TDG: variants seen among roughly 807,000 people sequenced by gnomAD.
TDG encodes thymine DNA glycosylase.
A neutral mutation model predicts 46.1 loss-of-function variants in TDG; 23 were observed. The observed-to-expected ratio is 0.50, with a 90% CI of 0.36 to 0.71. The LOEUF is 0.71. Among genes scored for constraint, TDG ranks in the 30% least tolerant of loss-of-function variants. The pLI is 0.00. For synonymous variants in TDG, 115 were observed against 161.3 expected (o/e 0.71, Z 2.18); for missense variants, 304 against 486.7 (o/e 0.62, Z 3.53).
intron 7 of TDG, 34 bp downstream of exon 7, chr12:103,983,423 A>T (rs752499945): frequency 2.7e-6 from 4 of 1,469,908 alleles, no homozygotes; most frequent in Non-Finnish European, 3.7e-6. Context: ...TAAATCAGCT[A>T]AATGTGAATT....
In TDG at chr12:103,966,017, C is replaced by A; in HGVS notation, c.-21C>A. On this transcript the variant is annotated 5_prime_UTR_variant, in exon 1 of 10. Coordinates refer to ENST00000392872, the MANE Select transcript of TDG (RefSeq NM_003211.6). ...CCGTGTGCCCGGCAGGTGGAGCCGCCCGCATCAGCGGCCTCGGGGAATGGA... is the reference window on the plus strand; with the variant it reads ...CCGTGTGCCCGGCAGGTGGAGCCGCACGCATCAGCGGCCTCGGGGAATGGA... 1 of 1,594,930 alleles carries A rather than the reference C, an allele frequency of 6.3e-7. No homozygotes were observed. The highest frequency in any genetic ancestry group is 1.1e-5 in the South Asian group (1 of 88,702).
rs1593519586 is a variant in TDG at position 103,985,660 on chromosome 12, C to T, written c.1022C>T (p.Ala341Val). The change falls in exon 9 of 10, where the codon GCA becomes GTA. Residue 341 changes from alanine (A) to valine (V), a missense_variant. Coordinates refer to ENST00000392872, the MANE Select transcript of TDG (RefSeq NM_003211.6). ...EEKYDPGYEA[A>V]YGGAYGENPC... ...AAATATGATCCAGGTTATGAGGCAGCATATGGTGGTGCTTACGGAGAAAAT... is the reference window on the plus strand; with the variant it reads ...AAATATGATCCAGGTTATGAGGCAGTATATGGTGGTGCTTACGGAGAAAAT... The T allele has an allele frequency of 6.2e-7, 1 of 1,614,122 alleles. No individual in the cohort carries two copies. Among genetic ancestry groups the T allele is most frequent in the Non-Finnish European group, 8.5e-7 (1 of 1,179,964 alleles).
At chr12:103,985,488 G>A in intron 8 of TDG, 115 bp from the exon 9 acceptor site, 2 of 1,164,110 alleles carry the variant, frequency 1.7e-6, no homozygotes, top group Non-Finnish European at 2.3e-6. Context: ...TAATAGAGAT[G>A]TATCTCAGTG....
At chr12:103,972,414 G>T (rs1454596585) in intron 1 of TDG, among the ~76,000 whole-genome samples, 1 of 152,214 alleles carries the variant, frequency 6.6e-6, no homozygotes, top group African/African-American at 2.4e-5. Context: ...ACTGTTTCCG[G>T]CCAGTTATCC....
intron 1 of TDG, among the ~76,000 whole-genome samples, chr12:103,966,683 A>C (rs926590280): frequency 6.6e-6 from 1 of 152,170 alleles, no homozygotes; most frequent in Non-Finnish European, 1.5e-5. Flanking sequence ...AAATTTGCAA[A>C]AGCAGGAGAT....
intron 7 of TDG, 42 bp downstream of exon 7, chr12:103,983,431 A>AT: frequency 7.1e-7 from 1 of 1,406,356 alleles, no homozygotes; most frequent in Non-Finnish European, 9.7e-7. Context: ...CTAAATGTGA[A>AT]TTTTTTTCTA....
intron 1 of TDG, among the ~76,000 whole-genome samples, chr12:103,966,879 A>T (rs1593504943): frequency 6.6e-6 from 1 of 152,202 alleles, no homozygotes; most frequent in Non-Finnish European, 1.5e-5. Flanking sequence ...AGGGACTTAT[A>T]TGGGCCTGTT....
chr12:103,982,078 T>G lies in TDG; in HGVS notation c.479-721T>G, dbSNP rs987933808. On this transcript the variant is annotated intron_variant, in intron 4 of 9. Transcript: ENST00000392872. The stretch of plus-strand genomic sequence containing the variant: ...CTACTGTTGCATTGCCTTCTCTATA[T>G]AAGTTGTCTTGTATATAAATCATCT... 2.0e-5 allele frequency among the ~76,000 whole-genome samples: 3 copies of G among 152,200 alleles called. No individual in the cohort carries two copies. In the East Asian group the frequency reaches 5.8e-4, roughly 29 times the overall value.
intron 1 of TDG, among the ~76,000 whole-genome samples, chr12:103,966,848 G>C (rs551997302): frequency 1.3e-5 from 2 of 152,282 alleles, no homozygotes; most frequent in South Asian, 4.1e-4. Flanking sequence ...TGGCTAATGG[G>C]AGCTGAATTT....
chr12:103,981,462 C>A (rs574098629), intron 4 of TDG, among the ~76,000 whole-genome samples: 1 of 151,758 alleles, frequency 6.6e-6, no homozygotes, highest in African/African-American at 2.4e-5. Flanking sequence ...CTCGAACTCC[C>A]GGCCTCAGGT....
At chr12:103,972,831 CT>C (rs1871343414) in intron 1 of TDG, 2 of 459,184 alleles carry the variant, frequency 4.4e-6, no homozygotes, top group African/African-American at 2.0e-5. Flanking sequence ...TGATTTTCAG[CT>C]TCTGAACCCC....
At position 103,988,415 on chromosome 12, in the gene TDG, GGATTTTA is replaced by G. The variant is rs1399704006; in HGVS notation, c.*1326_*1332del. The G allele has an allele frequency of 2.0e-5, 3 of 152,834 alleles. No individual in the cohort carries two copies. In the East Asian group the frequency reaches 5.8e-4, roughly 29 times the overall value. 9.5% of individuals were successfully genotyped at this position (152,834 alleles called of 1,614,324 possible). A position where few individuals can be genotyped will look rare whatever the true frequency, so the allele number is the denominator to read the frequency against. On this transcript the variant is annotated 3_prime_UTR_variant, in exon 10 of 10. Coordinates refer to ENST00000392872, the MANE Select transcript of TDG (RefSeq NM_003211.6). ...CATGCTTTTTAGCTGTGGCTATGAT[GGATTTTA>G]TTTTTTCCTAGGTCAAGCTGTGTAA... is the stretch of plus-strand genomic sequence containing the variant.
Position 103,987,827 on chromosome 12 carries a change from A to G in TDG, c.*737A>G, listed in dbSNP as rs1872256549. On this transcript the variant is annotated 3_prime_UTR_variant, in exon 10 of 10. Transcript: ENST00000392872. ...AGACATGTAAATATGATAGGGAAGG[A>G]ACTGAATTTCTCCATTCATATTTAT... 2 of 152,500 alleles carry G rather than the reference A, an allele frequency of 1.3e-5. No individual in the cohort carries two copies. The highest frequency in any genetic ancestry group is 4.8e-5 in the African/African-American group (2 of 41,476). 9.4% of individuals were successfully genotyped at this position (152,500 alleles called of 1,614,324 possible). A position where few individuals can be genotyped will look rare whatever the true frequency, so the allele number is the denominator to read the frequency against.
chr12:103,980,249 T>A, intron 3 of TDG, 177 bp downstream of exon 3: 1 of 783,844 alleles, frequency 1.3e-6, no homozygotes, highest in African/African-American at 1.8e-5. Context: ...GAGGGTGGGC[T>A]CCAAATTTAG....
intron 4 of TDG, 25 bp from the exon 5 acceptor site, chr12:103,982,773 TA>T (rs764601388): frequency 5.6e-6 from 9 of 1,610,166 alleles, no homozygotes; most frequent in Non-Finnish European, 4.2e-6. Context: ...TAAAAAAAAA[TA>T]AATAACTGAA....
At chr12:103,978,080 AAAACAAAAAC>A (rs1871626553) in intron 2 of TDG, among the ~76,000 whole-genome samples, 2 of 152,218 alleles carry the variant, frequency 1.3e-5, no homozygotes, top group African/African-American at 4.8e-5. Context: ...AACAAAAACA[AAAACAAAAAC>A]AAAACTTGGA....
chr12:103,971,806 C>CT (rs1593508346), intron 1 of TDG, among the ~76,000 whole-genome samples: 1 of 152,232 alleles, frequency 6.6e-6, no homozygotes, highest in East Asian at 1.9e-4. Context: ...TCTTTGGGGT[C>CT]TGTTTTGAGT....
At chr12:103,978,725 G>T (rs1566180978) in intron 2 of TDG, among the ~76,000 whole-genome samples, 1 of 152,180 alleles carries the variant, frequency 6.6e-6, no homozygotes, top group Non-Finnish European at 1.5e-5. Flanking sequence ...GTAACTATAG[G>T]TCAGTGGTTT....
chr12:103,981,259 G>A (rs1447491468), intron 4 of TDG, among the ~76,000 whole-genome samples: 8 of 123,186 alleles, frequency 6.5e-5, no homozygotes, highest in African/African-American at 2.4e-4. Context: ...TTTTGAGATG[G>A]AGTTTCGCTC....
Sources: allele counts gnomAD v4.1 joint callset (sites outside exome capture counted in the v4.1 genomes callset), GRCh38; gene constraint gnomAD v4.1.1; transcripts MANE v1.5; gene names NCBI Gene and HGNC (gene_info 2026-07-23, HGNC 2026-07-21).